PLEKHG4B: variants seen among roughly 807,000 people sequenced by gnomAD.
PLEKHG4B encodes pleckstrin homology domain-containing family G member 4B.
In PLEKHG4B, 111 loss-of-function variants were observed where a neutral mutation model predicts 121.3. The ratio of observed to expected loss-of-function variants is 0.92; its 90% confidence interval spans 0.78 to 1.07. The LOEUF is 1.07. Among genes scored for constraint, PLEKHG4B ranks in the 50% least tolerant of loss-of-function variants. The pLI is 0.00. For missense variants in PLEKHG4B, 1,831 were observed against 1,757.8 expected, an observed-to-expected ratio of 1.04 and a Z score of -0.74; for synonymous variants, 738 against 725.0, an observed-to-expected ratio of 1.02 and a Z score of -0.29.
At chr5:129,900 A>G (rs1290824583) in intron 2 of PLEKHG4B, among the ~76,000 whole-genome samples, 1 of 152,202 alleles carries the variant, frequency 6.6e-6, no homozygotes, top group Non-Finnish European at 1.5e-5. Context: ...TGTACAACTT[A>G]GAATGTTGCA....
intron 1 of PLEKHG4B, among the ~76,000 whole-genome samples, chr5:97,655 C>A (rs1221155781): frequency 1.3e-5 from 2 of 149,126 alleles, no homozygotes. Context: ...GTATAACTCT[C>A]CGCTGTGTGG....
chr5:109,203 A>G (rs980626727), intron 1 of PLEKHG4B, among the ~76,000 whole-genome samples: 4 of 152,046 alleles, frequency 2.6e-5, no homozygotes, highest in African/African-American at 9.7e-5. Context: ...CAGCCTGGCC[A>G]ACATGGTGAA....
chr5:147,102 G>A (rs990499706), intron 6 of PLEKHG4B, among the ~76,000 whole-genome samples: 5 of 152,218 alleles, frequency 3.3e-5, no homozygotes, highest in African/African-American at 7.2e-5. Flanking sequence ...GGCTGGACAA[G>A]GGGCTGAGGT....
chr5:139,989 C>T lies in PLEKHG4B; in HGVS notation c.750C>T (p.Thr250=). ...QGSASCPDTL[T]SPCRRGHTGS... is the part of the protein sequence containing the mutation. The stretch of plus-strand genomic sequence containing the variant: ...GCGCCTCTTGCCCCGACACCCTGAC[C>T]TCACCCTGCCGCCGAGGGCATACGG... The change falls in exon 3 of 20, where the codon ACC becomes ACT. Residue 250 remains threonine, a synonymous_variant. Transcript: ENST00000637938. This position sits in a 1 kb window ranked among gnomAD's most constrained non-coding sequence, Gnocchi z 5.0. The T allele has an allele frequency of 2.4e-6, 1 of 412,244 alleles. No homozygotes were observed. The highest frequency in any genetic ancestry group is 4.0e-5 in the Admixed American group (1 of 25,138). 25.5% of individuals were successfully genotyped at this position (412,244 alleles called of 1,614,324 possible).
intron 3 of PLEKHG4B, 125 bp downstream of exon 3, chr5:140,841 C>A: frequency 1.5e-6 from 1 of 656,072 alleles, no homozygotes; most frequent in Admixed American, 3.6e-5. Flanking sequence ...CACACCACCA[C>A]AACCTCCCCT....
At chr5:155,268 A>G (rs889726438) in intron 8 of PLEKHG4B, 77 bp from the exon 9 acceptor site, 1 of 1,295,402 alleles carries the variant, frequency 7.7e-7, no homozygotes, top group African/African-American at 1.5e-5. Context: ...AAATGCAGAA[A>G]CTGGAACTCA....
chr5:98,478 A>C (rs1407018732), intron 1 of PLEKHG4B, among the ~76,000 whole-genome samples: 3 of 111,214 alleles, frequency 2.7e-5, no homozygotes, highest in East Asian at 6.4e-4. Flanking sequence ...CTCTGTCGCC[A>C]GGCTGGAGTG....
intron 2 of PLEKHG4B, among the ~76,000 whole-genome samples, chr5:134,549 T>G (rs1302541794): frequency 6.6e-6 from 1 of 150,908 alleles, no homozygotes; most frequent in Non-Finnish European, 1.5e-5. Context: ...GTGGATCACT[T>G]GAGGTCAGGA....
chr5:160,019 C>T (rs1735939178), intron 11 of PLEKHG4B, among the ~76,000 whole-genome samples: 1 of 152,346 alleles, frequency 6.6e-6, no homozygotes. Flanking sequence ...TCTCACTCTG[C>T]AGTCTTCACC....
At chr5:133,941 C>CACATAT (rs34900477) in intron 2 of PLEKHG4B, among the ~76,000 whole-genome samples, 2 of 146,288 alleles carry the variant, frequency 1.4e-5, no homozygotes, top group African/African-American at 5.1e-5. Context: ...CACACACACA[C>CACATAT]ATATATATAT....
intron 12 of PLEKHG4B, 28 bp from the exon 13 acceptor site, chr5:162,694 A>T (rs778779886): frequency 2.8e-6 from 4 of 1,416,056 alleles, no homozygotes; most frequent in Non-Finnish European, 3.7e-6. Context: ...CCTCCACTGC[A>T]CTGAGCAGAG....
At chr5:166,789 A>C (rs1245218861) in intron 13 of PLEKHG4B, among the ~76,000 whole-genome samples, 1 of 152,224 alleles carries the variant, frequency 6.6e-6, no homozygotes, top group Admixed American at 6.5e-5. Flanking sequence ...AGGCCCAAGA[A>C]CACTCTTCTG....
intron 2 of PLEKHG4B, among the ~76,000 whole-genome samples, chr5:128,232 A>C (rs1277911811): frequency 1.3e-5 from 2 of 152,212 alleles, no homozygotes; most frequent in African/African-American, 4.8e-5. Flanking sequence ...TCCCCCACCA[A>C]GGACAGCTTT....
chr5:123,160 A>T (rs1156429486), intron 2 of PLEKHG4B, among the ~76,000 whole-genome samples: 1 of 152,158 alleles, frequency 6.6e-6, no homozygotes, highest in Non-Finnish European at 1.5e-5. Flanking sequence ...ACTGTAGATG[A>T]TTTTTTTCAA....
At chr5:125,857 A>G (rs909775812) in intron 2 of PLEKHG4B, among the ~76,000 whole-genome samples, 3 of 152,194 alleles carry the variant, frequency 2.0e-5, no homozygotes, top group African/African-American at 7.2e-5. Flanking sequence ...CTTTTGAAGC[A>G]TAGTTTTGCT....
chr5:149,486 A>C (rs1735533068), intron 6 of PLEKHG4B, among the ~76,000 whole-genome samples: 1 of 152,164 alleles, frequency 6.6e-6, no homozygotes, highest in South Asian at 2.1e-4. Flanking sequence ...GGCTGCAGTG[A>C]GCCATGGTCA....
chr5:126,502 C>A (rs1422274669), intron 2 of PLEKHG4B, among the ~76,000 whole-genome samples: 24 of 152,134 alleles, frequency 1.6e-4, no homozygotes, highest in Admixed American at 1.6e-3. Flanking sequence ...AGTAGGTCTA[C>A]TATCAAGTCT....
chr5:96,800 G>A (rs1455763688), intron 1 of PLEKHG4B, among the ~76,000 whole-genome samples: 1 of 152,134 alleles, frequency 6.6e-6, no homozygotes, highest in African/African-American at 2.4e-5. Context: ...GGGGTTGTTT[G>A]GGAAAGTTTA....
rs1339123487 is a variant in PLEKHG4B, at chr5:162,761, CCCT to C, written c.2694_2696del (p.Ser899del). ...GGGGCCCCTGGACCCGGAGGCTTGT[CCCT>C]CCTCACCCGTGGCTGAGTGTTTGAG... On this transcript the variant is annotated inframe_deletion, in exon 13 of 20. Coordinates refer to ENST00000637938, the MANE Select transcript of PLEKHG4B (RefSeq NM_052909.5). The C allele has an allele frequency of 5.4e-6, 8 of 1,469,372 alleles. No homozygotes were observed. The East Asian group carries it at 2.0e-4, about 36-fold the overall frequency. The allele number at this position is 1,469,372 out of a possible 1,614,324, so 91.0% of individuals were successfully genotyped here. A position where few individuals can be genotyped will look rare whatever the true frequency, so the allele number is the denominator to read the frequency against.
Sources: allele counts gnomAD v4.1 joint callset (sites outside exome capture counted in the v4.1 genomes callset), GRCh38; gene constraint gnomAD v4.1.1; non-coding constraint Gnocchi (gnomAD v3.1); transcripts MANE v1.5; gene names NCBI Gene and HGNC (gene_info 2026-07-23, HGNC 2026-07-21).